The following COL8A1 variants were observed in gnomAD, a reference collection of about 807,000 sequenced individuals.
The protein encoded by COL8A1 is collagen alpha-1(VIII) chain.
In COL8A1, 21 loss-of-function variants were observed where a neutral mutation model predicts 42.7. The observed-to-expected ratio is 0.49, with a 90% confidence interval of 0.35 to 0.71. The LOEUF (loss-of-function observed/expected upper bound fraction) is 0.71. Among genes scored for constraint, COL8A1 ranks in the 30% least tolerant of loss-of-function variants. The pLI is 0.01. For synonymous variants in COL8A1, 367 were observed against 369.1 expected (o/e 0.99, Z 0.06); for missense variants, 788 against 962.4 (o/e 0.82, Z 2.40).
intron 1 of COL8A1, among the ~76,000 whole-genome samples, chr3:99,726,670 T>C (rs548369855): frequency 6.6e-6 from 1 of 152,268 alleles, no homozygotes; most frequent in South Asian, 2.1e-4. Flanking sequence ...AAATAGGGAA[T>C]CCTTTCCCCA....
chr3:99,730,306 T>C (rs1940463788), intron 1 of COL8A1, among the ~76,000 whole-genome samples: 1 of 152,166 alleles, frequency 6.6e-6, no homozygotes, highest in African/African-American at 2.4e-5. Context: ...AAGCCTGTTT[T>C]GTGAAGGAAA....
At position 99,666,284 on chromosome 3, in the gene COL8A1, CTG is replaced by C. The variant is rs2107307461; in HGVS notation, c.-129+27622_-129+27623del. ...ACTTAGAAGGAAATTAAAAATGAAA[CTG>C]TTTGATAATGAGACAGTCTTTCATC... On this transcript the variant is annotated intron_variant, in intron 1 of 3. Coordinates refer to ENST00000652472, the MANE Select transcript of COL8A1 (RefSeq NM_020351.4). Among the ~76,000 whole-genome samples the C allele has an allele frequency of 2.0e-5, 3 of 152,260 alleles. No individual in the cohort carries two copies. In the East Asian group the frequency reaches 5.8e-4, roughly 29 times the overall value.
rs188756279 is a variant in COL8A1 at position 99,724,345 on chromosome 3, A to G, written c.-128-20552A>G. Among the ~76,000 whole-genome samples, 679 of 152,234 alleles carry G rather than the reference A, an allele frequency of 4.5e-3. 6 individuals are homozygous for G. Among genetic ancestry groups the G allele is most frequent in the African/African-American group, 0.015 (636 of 41,556 alleles). On this transcript the variant is annotated intron_variant, in intron 1 of 3. Transcript: ENST00000652472. ...GTCTAGCCTAAAATGCACAGAAATC[A>G]AAACTGCATTTATTTGCATGCTTTC...
intron 2 of COL8A1, among the ~76,000 whole-genome samples, chr3:99,767,860 C>T (rs1941494499): frequency 6.6e-6 from 1 of 152,120 alleles, no homozygotes; most frequent in Non-Finnish European, 1.5e-5. Flanking sequence ...TCATATTTTT[C>T]AGAATGAGTT....
At chr3:99,781,939 C>G (rs1047600273) in intron 2 of COL8A1, among the ~76,000 whole-genome samples, 1 of 152,160 alleles carries the variant, frequency 6.6e-6, no homozygotes, top group Non-Finnish European at 1.5e-5. Flanking sequence ...TCATTAACCA[C>G]GAATTTCCCC....
intron 1 of COL8A1, among the ~76,000 whole-genome samples, chr3:99,731,532 TG>T (rs2107384577): frequency 6.6e-6 from 1 of 152,134 alleles, no homozygotes; most frequent in Admixed American, 6.5e-5. Flanking sequence ...CTCAGTGCCA[TG>T]GGGAGCTATT....
intron 1 of COL8A1, among the ~76,000 whole-genome samples, chr3:99,709,208 C>T (rs1939765696): frequency 6.6e-6 from 1 of 152,092 alleles, no homozygotes; most frequent in South Asian, 2.1e-4. Context: ...TCAGTGTTCC[C>T]CAAATGTGGC....
intron 2 of COL8A1, among the ~76,000 whole-genome samples, chr3:99,781,210 G>A (rs1490526609): frequency 6.6e-6 from 1 of 152,182 alleles, no homozygotes; most frequent in African/African-American, 2.4e-5. Context: ...TTGTCAAGAT[G>A]TTTTAGTTCT....
At chr3:99,640,157 A>G (rs2107277289) in intron 1 of COL8A1, among the ~76,000 whole-genome samples, 1 of 152,352 alleles carries the variant, frequency 6.6e-6, no homozygotes, top group Admixed American at 6.5e-5. Context: ...ATTTTTCTTC[A>G]TTGGAAAAAA....
chr3:99,681,685 A>G (rs1938887243), intron 1 of COL8A1, among the ~76,000 whole-genome samples: 1 of 152,130 alleles, frequency 6.6e-6, no homozygotes, highest in South Asian at 2.1e-4. Flanking sequence ...GACCCAAATT[A>G]TTTTCTGGTT....
At chr3:99,705,473 C>A (rs1315355352) in intron 1 of COL8A1, among the ~76,000 whole-genome samples, 4 of 152,168 alleles carry the variant, frequency 2.6e-5, no homozygotes, top group African/African-American at 9.7e-5. Flanking sequence ...AAAGAGAGCA[C>A]TGGAATCCAG....
chr3:99,764,210 A>C (rs1021753540), intron 2 of COL8A1, among the ~76,000 whole-genome samples: 1 of 152,222 alleles, frequency 6.6e-6, no homozygotes, highest in African/African-American at 2.4e-5. Flanking sequence ...CTTAAGGTTC[A>C]CAAAACATTA....
At chr3:99,663,167 T>G (rs1447021901) in intron 1 of COL8A1, among the ~76,000 whole-genome samples, 1 of 152,190 alleles carries the variant, frequency 6.6e-6, no homozygotes, top group Admixed American at 6.5e-5. Context: ...AAATTTTGTT[T>G]TATTGTTTTT....
At chr3:99,701,861 T>A (rs1161021725) in intron 1 of COL8A1, among the ~76,000 whole-genome samples, 1 of 152,204 alleles carries the variant, frequency 6.6e-6, no homozygotes, top group Non-Finnish European at 1.5e-5. Flanking sequence ...AGTTATAATA[T>A]GGAAAACTAT....
At chr3:99,783,395 T>G (rs1308032162) in intron 2 of COL8A1, among the ~76,000 whole-genome samples, 1 of 152,208 alleles carries the variant, frequency 6.6e-6, no homozygotes, top group Non-Finnish European at 1.5e-5. Context: ...AATTTGTTAG[T>G]GAAGCATATA....
chr3:99,697,793 C>A (rs1939423482), intron 1 of COL8A1, among the ~76,000 whole-genome samples: 1 of 152,174 alleles, frequency 6.6e-6, no homozygotes, highest in Non-Finnish European at 1.5e-5. Flanking sequence ...AATTTATAAC[C>A]CAGTTCAGAC....
At chr3:99,649,753 A>C (rs1937778608) in intron 1 of COL8A1, among the ~76,000 whole-genome samples, 1 of 152,012 alleles carries the variant, frequency 6.6e-6, no homozygotes, top group Non-Finnish European at 1.5e-5. Context: ...TAGCATAAAT[A>C]TGTGCTCTCT....
chr3:99,752,645 A>C (rs774851535), intron 2 of COL8A1, among the ~76,000 whole-genome samples: 1 of 151,666 alleles, frequency 6.6e-6, no homozygotes, highest in Non-Finnish European at 1.5e-5. Context: ...CTCTCCTATC[A>C]ATTGAGATGA....
chr3:99,652,691 A>G (rs574936256), intron 1 of COL8A1, among the ~76,000 whole-genome samples: 2 of 152,336 alleles, frequency 1.3e-5, no homozygotes, highest in Non-Finnish European at 1.5e-5. Context: ...AGAGAACCCA[A>G]ACTCTCCTCA....
Sources: allele counts gnomAD v4.1 joint callset (sites outside exome capture counted in the v4.1 genomes callset), GRCh38; gene constraint gnomAD v4.1.1; transcripts MANE v1.5; gene names NCBI Gene and HGNC (gene_info 2026-07-23, HGNC 2026-07-21).